Variants in CERT1 observed in about 807,000 individuals in gnomAD.
CERT1 encodes the protein ceramide transporter 1, also known as ceramide transfer protein.
In CERT1, 31 loss-of-function variants were observed where a neutral mutation model predicts 87.9. The observed-to-expected ratio is 0.35, with a 90% CI of 0.27 to 0.48. The LOEUF (loss-of-function observed/expected upper bound fraction) is 0.48, where lower values mean the gene tolerates loss of function less well. Among genes scored for constraint, CERT1 ranks in the 20% least tolerant of loss-of-function variants. The probability of loss-of-function intolerance (pLI) is 0.99; values close to 1 mark genes in which losing one functional copy is unlikely to be tolerated. For synonymous variants in CERT1, 289 were observed against 250.9 expected (o/e 1.15, Z -1.44); for missense variants, 487 against 758.0 (o/e 0.64, Z 4.20).
chr5:75,405,318 C>T lies in CERT1; in HGVS notation c.931-2260G>A, dbSNP rs138547039. 1.1e-3 allele frequency among the ~76,000 whole-genome samples: 172 copies of T among 152,164 alleles called. 1 individual carries two copies. The highest frequency in any genetic ancestry group is 4.4e-3 in the South Asian group (21 of 4,812). Reference sequence around the variant, plus strand: ...CTTATGGGGCTCCTTTGTAGGTTTCCCCTTCTCTGCCTATCCTTTAAATGT... The same window carrying T: ...CTTATGGGGCTCCTTTGTAGGTTTCTCCTTCTCTGCCTATCCTTTAAATGT... On this transcript the variant is annotated intron_variant, in intron 8 of 16. Transcript: ENST00000643780.
intron 8 of CERT1, among the ~76,000 whole-genome samples, chr5:75,404,961 A>G (rs1274602673): frequency 2.0e-5 from 3 of 152,128 alleles, no homozygotes; most frequent in Non-Finnish European, 2.9e-5. Context: ...GGTTGCAGTG[A>G]GCCAAGATCG....
At chr5:75,393,638 G>A (rs1429064867) in intron 11 of CERT1, among the ~76,000 whole-genome samples, 1 of 71,954 alleles carries the variant, frequency 1.4e-5, no homozygotes, top group Non-Finnish European at 3.1e-5. Context: ...GTCTAGAAGG[G>A]CTCAAAAACA....
At chr5:75,456,683 A>AAAAG (rs1561276145) in intron 3 of CERT1, among the ~76,000 whole-genome samples, 1 of 151,394 alleles carries the variant, frequency 6.6e-6, no homozygotes, top group Non-Finnish European at 1.5e-5. Flanking sequence ...AAAAAAAAAA[A>AAAAG]AAAGAAAGGG....
intron 11 of CERT1, among the ~76,000 whole-genome samples, chr5:75,391,712 G>A (rs1200788998): frequency 6.6e-6 from 1 of 152,146 alleles, no homozygotes; most frequent in Non-Finnish European, 1.5e-5. Context: ...ATAAATAAAA[G>A]TAGCATTGGC....
chr5:75,386,548 T>C (rs556404355), intron 12 of CERT1, among the ~76,000 whole-genome samples: 2 of 152,224 alleles, frequency 1.3e-5, no homozygotes, highest in Non-Finnish European at 2.9e-5. Context: ...TGAGGTTACA[T>C]ACCTTAAATG....
intron 14 of CERT1, among the ~76,000 whole-genome samples, chr5:75,383,304 AT>A (rs978019710): frequency 3.3e-5 from 5 of 152,140 alleles, no homozygotes; most frequent in Non-Finnish European, 5.9e-5. Flanking sequence ...ATATAAGATT[AT>A]TTTAATAATT....
At chr5:75,451,351 G>T (rs1406496841) in intron 3 of CERT1, among the ~76,000 whole-genome samples, 3 of 152,080 alleles carry the variant, frequency 2.0e-5, no homozygotes, top group Admixed American at 6.6e-5. Flanking sequence ...TTTTTCTACA[G>T]CTTGAGAAAA....
chr5:75,487,185 C>T (rs563083512), intron 2 of CERT1, among the ~76,000 whole-genome samples: 1 of 152,166 alleles, frequency 6.6e-6, no homozygotes, highest in South Asian at 2.1e-4. Flanking sequence ...CACACACCTA[C>T]AGTGAACTTA....
chr5:75,405,931 G>C (rs1319160523), intron 8 of CERT1, among the ~76,000 whole-genome samples: 1 of 149,214 alleles, frequency 6.7e-6, no homozygotes, highest in Admixed American at 6.8e-5. Context: ...TGGGATTACT[G>C]TATCTAATTT....
intron 6 of CERT1, among the ~76,000 whole-genome samples, chr5:75,419,038 TC>T (rs1763261242): frequency 6.6e-6 from 1 of 152,174 alleles, no homozygotes; most frequent in African/African-American, 2.4e-5. Context: ...GAACTGAGAA[TC>T]CAGAAATAAA....
intron 2 of CERT1, among the ~76,000 whole-genome samples, chr5:75,462,783 G>A (rs1765292915): frequency 6.6e-6 from 1 of 152,040 alleles, no homozygotes; most frequent in South Asian, 2.1e-4. Flanking sequence ...CACGGGGTCA[G>A]GAGATCGAGA....
intron 3 of CERT1, among the ~76,000 whole-genome samples, chr5:75,434,096 T>C (rs1465043373): frequency 1.3e-5 from 2 of 152,142 alleles, no homozygotes; most frequent in African/African-American, 4.8e-5. Flanking sequence ...CTTCCAGCTT[T>C]TGCCTGTTCA....
At chr5:75,501,905 A>G (rs1271106662) in intron 2 of CERT1, among the ~76,000 whole-genome samples, 2 of 152,210 alleles carry the variant, frequency 1.3e-5, no homozygotes, top group Non-Finnish European at 2.9e-5. Flanking sequence ...ATAGAGAGAT[A>G]GTCTTTGAGA....
chr5:75,415,035 T>C (rs546208994), intron 7 of CERT1, among the ~76,000 whole-genome samples: 228 of 149,380 alleles, frequency 1.5e-3, no homozygotes, highest in African/African-American at 3.7e-3. Flanking sequence ...TGTGTATATA[T>C]ACACACACAC....
chr5:75,511,819 G>T (rs768787922), upstream of CERT1: 6 of 1,551,392 alleles, frequency 3.9e-6, no homozygotes, highest in South Asian at 7.1e-5. Context: ...AGGAGAGGGC[G>T]GGGTAGGGAT....
At chr5:75,469,552 AT>A (rs57516785) in intron 2 of CERT1, among the ~76,000 whole-genome samples, 106 of 151,324 alleles carry the variant, frequency 7.0e-4, no homozygotes, top group African/African-American at 1.5e-3. Context: ...TAAAATAACT[AT>A]TTTTTTTTGT....
intron 2 of CERT1, among the ~76,000 whole-genome samples, chr5:75,493,238 T>C (rs1766882842): frequency 6.6e-6 from 1 of 152,228 alleles, no homozygotes; most frequent in African/African-American, 2.4e-5. Flanking sequence ...CTCATGGTTA[T>C]TCTTTTTTAA....
At position 75,396,743 on chromosome 5, in the gene CERT1, A is replaced by C. The variant is rs559998237; in HGVS notation, c.1188+2567T>G. 3.3e-4 allele frequency among the ~76,000 whole-genome samples: 50 copies of C among 151,894 alleles called. 2 individuals are homozygous for C. The highest frequency in any genetic ancestry group is 1.8e-3 in the Admixed American group (27 of 15,270). On this transcript the variant is annotated intron_variant, in intron 11 of 16. Coordinates refer to ENST00000643780, the MANE Select transcript of CERT1 (RefSeq NM_001379029.1). ...AAACTCCGTCTCAAAAAAAAAAAAA[A>C]AACAAAAAACAGAAAAGACCGATGC...
intron 3 of CERT1, among the ~76,000 whole-genome samples, chr5:75,427,743 T>C (rs1437133678): frequency 6.6e-6 from 1 of 152,206 alleles, no homozygotes; most frequent in Non-Finnish European, 1.5e-5. Flanking sequence ...TAGGTAAGTA[T>C]TTATATTGAA....
Sources: gnomAD v4.1 joint callset for allele counts (sites outside exome capture counted in the v4.1 genomes callset) on GRCh38, gnomAD v4.1.1 for gene constraint, MANE v1.5 for transcripts, NCBI Gene and HGNC (gene_info 2026-07-23, HGNC 2026-07-21) for gene names.